The following FGF14 variants were observed in gnomAD, a reference collection of about 807,000 sequenced individuals.
The protein encoded by FGF14 is fibroblast growth factor 14.
In FGF14, 5 loss-of-function variants were observed where a neutral mutation model predicts 25.5. The ratio of observed to expected loss-of-function variants is 0.20; its 90% confidence interval spans 0.10 to 0.41. The LOEUF (loss-of-function observed/expected upper bound fraction) is 0.41. Among genes scored for constraint, FGF14 ranks in the 10% least tolerant of loss-of-function variants. The pLI is 1.00. For missense variants in FGF14, 222 were observed against 320.1 expected, an observed-to-expected ratio of 0.69 and a Z score of 2.34; for synonymous variants, 138 against 118.3, an observed-to-expected ratio of 1.17 and a Z score of -1.08.
chr13:102,291,998 T>C (rs58325202), intron 1 of FGF14, among the ~76,000 whole-genome samples: 340 of 152,224 alleles, frequency 2.2e-3, no homozygotes, highest in African/African-American at 7.4e-3. Context: ...AGCACATTAA[T>C]GCTGACTCCA....
chr13:101,723,004 T>A, intron 4 of FGF14, 37 bp from the exon 5 acceptor site: 1 of 1,612,600 alleles, frequency 6.2e-7, no homozygotes, highest in Non-Finnish European at 8.5e-7. Flanking sequence ...AAAGCAAACA[T>A]TGCTTGGTTA....
intron 1 of FGF14, among the ~76,000 whole-genome samples, chr13:102,209,497 T>C (rs993355536): frequency 6.6e-6 from 1 of 152,212 alleles, no homozygotes; most frequent in Non-Finnish European, 1.5e-5. Context: ...CAGGCATTTG[T>C]ACCCCTGCAC....
intron 1 of FGF14, among the ~76,000 whole-genome samples, chr13:102,005,657 A>G (rs893627531): frequency 8.5e-5 from 13 of 152,248 alleles, no homozygotes; most frequent in Non-Finnish European, 4.4e-5. Flanking sequence ...CTCAGCACCA[A>G]TAAAACACGG....
At chr13:102,043,865 C>A (rs770002093) in intron 1 of FGF14, among the ~76,000 whole-genome samples, 1 of 152,172 alleles carries the variant, frequency 6.6e-6, no homozygotes, top group Admixed American at 6.5e-5. Context: ...ACTATCAGTG[C>A]GGCTACCACA....
intron 1 of FGF14, among the ~76,000 whole-genome samples, chr13:102,091,354 C>CA (rs1165431719): frequency 6.6e-6 from 1 of 152,126 alleles, no homozygotes; most frequent in Admixed American, 6.6e-5. Flanking sequence ...CCAGAGACTT[C>CA]AAAGCTGGAT....
intron 1 of FGF14, among the ~76,000 whole-genome samples, chr13:102,237,035 G>T (rs193221248): frequency 1.3e-5 from 2 of 152,162 alleles, no homozygotes; most frequent in Non-Finnish European, 2.9e-5. Flanking sequence ...GTGTGATCAC[G>T]CCTCACAGGT....
At chr13:101,924,149 C>T (rs1053689613) in intron 1 of FGF14, among the ~76,000 whole-genome samples, 3 of 152,002 alleles carry the variant, frequency 2.0e-5, no homozygotes, top group African/African-American at 4.8e-5. Flanking sequence ...TACTCAATTT[C>T]CAAGAAAGTT....
intron 3 of FGF14, among the ~76,000 whole-genome samples, chr13:101,823,679 C>T (rs1284365742): frequency 6.6e-6 from 1 of 150,704 alleles, no homozygotes; most frequent in Non-Finnish European, 1.5e-5. Flanking sequence ...TGAGGTGATC[C>T]ACCTGCCTCG....
intron 3 of FGF14, among the ~76,000 whole-genome samples, chr13:101,850,684 T>C (rs893328801): frequency 2.8e-5 from 4 of 144,688 alleles, no homozygotes; most frequent in African/African-American, 7.5e-5. Context: ...AGAATATATA[T>C]AGAATATATA....
At chr13:102,026,569 C>T (rs997591638) in intron 1 of FGF14, among the ~76,000 whole-genome samples, 13 of 151,562 alleles carry the variant, frequency 8.6e-5, no homozygotes, top group Non-Finnish European at 1.3e-4. Flanking sequence ...TTTACTTTTC[C>T]CAGAACTGAG....
chr13:101,806,493 T>C (rs561620585), intron 3 of FGF14, among the ~76,000 whole-genome samples: 1 of 151,984 alleles, frequency 6.6e-6, no homozygotes, highest in Admixed American at 6.6e-5. Context: ...TTTGTTTTCA[T>C]TCCAAAATAT....
At chr13:102,216,832 T>A (rs1217924725) in intron 1 of FGF14, among the ~76,000 whole-genome samples, 1 of 152,194 alleles carries the variant, frequency 6.6e-6, no homozygotes, top group Non-Finnish European at 1.5e-5. Flanking sequence ...CCCTAGCCTC[T>A]AGCAATCACA....
intron 1 of FGF14, among the ~76,000 whole-genome samples, chr13:102,146,900 G>A (rs892097772): frequency 1.2e-4 from 19 of 152,102 alleles, no homozygotes; most frequent in African/African-American, 4.3e-4. Flanking sequence ...TGAGGGAAAA[G>A]AATAAAGTCT....
upstream of FGF14, among the ~76,000 whole-genome samples, chr13:101,916,956 G>A (rs1025259539): frequency 2.0e-5 from 3 of 151,890 alleles, no homozygotes; most frequent in South Asian, 2.1e-4. Flanking sequence ...GGGCGCTGCT[G>A]GTCACCGCTC....
intron 1 of FGF14, among the ~76,000 whole-genome samples, chr13:102,152,076 C>T (rs541576698): frequency 2.6e-5 from 4 of 152,202 alleles, no homozygotes; most frequent in Non-Finnish European, 5.9e-5. Flanking sequence ...ATACGAAGCA[C>T]GGATATTTAT....
At chr13:102,035,425 A>G (rs1454768354) in intron 1 of FGF14, among the ~76,000 whole-genome samples, 1 of 152,126 alleles carries the variant, frequency 6.6e-6, no homozygotes, top group Admixed American at 6.6e-5. Flanking sequence ...GTCCTGCAAC[A>G]CATTTCAATA....
chr13:101,976,371 T>C (rs571484235), intron 1 of FGF14, among the ~76,000 whole-genome samples: 2 of 152,208 alleles, frequency 1.3e-5, no homozygotes, highest in African/African-American at 4.8e-5. Flanking sequence ...TAGTAGCCCA[T>C]TGAAAAAAAT....
intron 1 of FGF14, among the ~76,000 whole-genome samples, chr13:101,983,864 G>GC (rs1317037162): frequency 7.2e-5 from 11 of 152,272 alleles, no homozygotes; most frequent in African/African-American, 2.6e-4. Flanking sequence ...ATATAGAACT[G>GC]CCTTACTAGC....
chr13:101,882,605 T>C (rs1594595629), intron 1 of FGF14, among the ~76,000 whole-genome samples: 1 of 151,990 alleles, frequency 6.6e-6, no homozygotes, highest in African/African-American at 2.4e-5. Context: ...TTAAATGTTT[T>C]ATGTTAAAAA....
Sources: gnomAD v4.1 joint callset for allele counts (sites outside exome capture counted in the v4.1 genomes callset) on GRCh38, gnomAD v4.1.1 for gene constraint, MANE v1.5 for transcripts, NCBI Gene and HGNC (gene_info 2026-07-23, HGNC 2026-07-21) for gene names.